Variants in CTNNA2 observed in about 807,000 individuals in gnomAD.
The protein encoded by CTNNA2 is catenin alpha-2.
Under a neutral mutation model 101.0 loss-of-function variants are expected in CTNNA2, and 42 were observed. That is an observed-to-expected ratio of 0.42 (90% confidence interval 0.32 to 0.54). The LOEUF is 0.54. Ranked by LOEUF, CTNNA2 falls within the 20% of genes least tolerant of loss-of-function variation. The pLI is 0.14. For missense variants in CTNNA2, 871 were observed against 1,223.1 expected (o/e 0.71, Z 4.29); for synonymous variants, 450 against 456.4 (o/e 0.99, Z 0.18).
At chr2:80,298,173 C>CTT (rs928168956) in intron 7 of CTNNA2, 1 of 151,394 alleles carries the variant, frequency 6.6e-6, no homozygotes, top group Admixed American at 6.6e-5. Context: ...TAGCTAATTC[C>CTT]TTTTTTTTGA....
At chr2:79,288,845 TCAAA>T (rs778558830) in intron 2 of CTNNA2, among the ~76,000 whole-genome samples, 1 of 152,326 alleles carries the variant, frequency 6.6e-6, no homozygotes, top group Non-Finnish European at 1.5e-5. Context: ...GGGGGAACTT[TCAAA>T]CAATGTGTGA....
At chr2:79,328,635 C>T (rs1040731730) in intron 3 of CTNNA2, among the ~76,000 whole-genome samples, 2 of 152,058 alleles carry the variant, frequency 1.3e-5, no homozygotes, top group Admixed American at 6.6e-5. Context: ...TTCAATGAGG[C>T]ATCCATGAAG....
intron 7 of CTNNA2, among the ~76,000 whole-genome samples, chr2:79,978,761 A>G (rs550886356): frequency 1.4e-4 from 22 of 152,230 alleles, no homozygotes; most frequent in African/African-American, 4.3e-4. Context: ...AAATAGTATT[A>G]ATTCTGGGGT....
intron 1 of CTNNA2, among the ~76,000 whole-genome samples, chr2:79,187,182 A>G (rs1221406886): frequency 6.6e-6 from 1 of 152,060 alleles, no homozygotes; most frequent in Non-Finnish European, 1.5e-5. Flanking sequence ...GAAGGATCAA[A>G]GAAAAAAATC....
At chr2:79,718,670 C>G (rs911639384) in intron 2 of CTNNA2, among the ~76,000 whole-genome samples, 4 of 152,054 alleles carry the variant, frequency 2.6e-5, no homozygotes, top group African/African-American at 9.7e-5. Context: ...AGATTAAGAC[C>G]GTATATACAC....
chr2:79,377,069 C>A (rs1677986718), intron 4 of CTNNA2, among the ~76,000 whole-genome samples: 1 of 151,240 alleles, frequency 6.6e-6, no homozygotes. Flanking sequence ...ACACTGACTT[C>A]CACAATGGTT....
intron 9 of CTNNA2, among the ~76,000 whole-genome samples, chr2:80,531,249 C>T (rs988983104): frequency 8.5e-5 from 13 of 152,160 alleles, no homozygotes; most frequent in Non-Finnish European, 1.5e-4. Flanking sequence ...ACTTCTCCTT[C>T]GGGCAGTAAC....
At chr2:80,408,615 A>G (rs1434658290) in intron 8 of CTNNA2, among the ~76,000 whole-genome samples, 1 of 152,198 alleles carries the variant, frequency 6.6e-6, no homozygotes, top group Non-Finnish European at 1.5e-5. Context: ...ACCACCAGTT[A>G]ATCAATGGCA....
intron 7 of CTNNA2, among the ~76,000 whole-genome samples, chr2:80,024,020 G>A (rs1694761492): frequency 1.3e-5 from 2 of 150,950 alleles, no homozygotes; most frequent in South Asian, 4.2e-4. Context: ...CCGGGAGGCG[G>A]AGCTTGCAGT....
intron 4 of CTNNA2, among the ~76,000 whole-genome samples, chr2:79,378,799 T>C (rs1678008007): frequency 6.6e-6 from 1 of 152,174 alleles, no homozygotes; most frequent in Non-Finnish European, 1.5e-5. Context: ...ATATTCTCTA[T>C]CAGGACCCTT....
intron 7 of CTNNA2, among the ~76,000 whole-genome samples, chr2:80,170,189 G>GTCTCTC (rs773434399): frequency 1.4e-5 from 2 of 147,644 alleles, no homozygotes; most frequent in African/African-American, 5.0e-5. Flanking sequence ...CTGCCTGCTT[G>GTCTCTC]TCTCTCTCTC....
chr2:79,406,108 A>G (rs1050906198), intron 4 of CTNNA2, among the ~76,000 whole-genome samples: 1 of 152,048 alleles, frequency 6.6e-6, no homozygotes, highest in Non-Finnish European at 1.5e-5. Flanking sequence ...ATCAAGAGGA[A>G]TGCAAACTAG....
At chr2:79,895,741 C>G (rs550634564) in intron 6 of CTNNA2, among the ~76,000 whole-genome samples, 2 of 132,554 alleles carry the variant, frequency 1.5e-5, no homozygotes, top group Admixed American at 8.3e-5. Flanking sequence ...TTATGGGTAT[C>G]GTAAGGGAGA....
rs764326702 is a variant in CTNNA2 at position 79,930,294 on chromosome 2, GAGAAAGAAAGAAAGAAAGAAAGAAAGAA to G, written c.1056+20534_1056+20561del. On this transcript the variant is annotated intron_variant, in intron 7 of 18. Coordinates refer to ENST00000402739, the MANE Select transcript of CTNNA2 (RefSeq NM_001282597.3). Reference sequence around the variant, plus strand: ...AGAAAGAAAGAGAGAGAGAGAGAAAGAGAAAGAAAGAAAGAAAGAAAGAAAGAAAGAAAGAAAGAAAGAAAGAAAGAAA... The same window carrying G: ...AGAAAGAAAGAGAGAGAGAGAGAAAGAGAAAGAAAGAAAGAAAGAAAGAAA... 4.9e-3 allele frequency among the ~76,000 whole-genome samples: 603 copies of G among 122,064 alleles called. 11 individuals carry two copies. The highest frequency in any genetic ancestry group is 0.018 in the African/African-American group (557 of 31,808). The allele number at this position is 122,064 out of a possible 152,430, so 80.1% of individuals were successfully genotyped here.
chr2:79,603,520 T>A (rs1335651874), intron 1 of CTNNA2, among the ~76,000 whole-genome samples: 1 of 152,208 alleles, frequency 6.6e-6, no homozygotes, highest in Non-Finnish European at 1.5e-5. Context: ...TTCACTCATC[T>A]TATGTGAAGA....
chr2:80,140,778 C>A (rs1003638606), intron 7 of CTNNA2, among the ~76,000 whole-genome samples: 45 of 152,212 alleles, frequency 3.0e-4, no homozygotes, highest in African/African-American at 1.1e-3. Context: ...ACTTAAATTG[C>A]ATGTTTTATT....
At chr2:79,250,586 C>T (rs569544546) in intron 2 of CTNNA2, among the ~76,000 whole-genome samples, 3 of 152,274 alleles carry the variant, frequency 2.0e-5, no homozygotes, top group South Asian at 2.1e-4. Flanking sequence ...TCTGGATTTG[C>T]GTAAGAATGG....
At chr2:79,729,562 A>G (rs1687074391) in intron 2 of CTNNA2, among the ~76,000 whole-genome samples, 1 of 152,160 alleles carries the variant, frequency 6.6e-6, no homozygotes, top group Non-Finnish European at 1.5e-5. Flanking sequence ...AGTTTTAAAA[A>G]GAAATAATAT....
intron 16 of CTNNA2, among the ~76,000 whole-genome samples, chr2:80,607,640 G>A (rs1698141983): frequency 6.6e-6 from 1 of 151,948 alleles, no homozygotes; most frequent in East Asian, 1.9e-4. Context: ...AGGTTATTAT[G>A]TTGCTTACAT....
Sources: gnomAD v4.1 joint callset for allele counts (sites outside exome capture counted in the v4.1 genomes callset) on GRCh38, gnomAD v4.1.1 for gene constraint, MANE v1.5 for transcripts, NCBI Gene and HGNC (gene_info 2026-07-23, HGNC 2026-07-21) for gene names.